Variants in PARD3B observed in about 807,000 individuals in gnomAD.
PARD3B encodes par-3 family cell polarity regulator beta.
Under a neutral mutation model 130.2 loss-of-function variants are expected in PARD3B, and 103 were observed. The observed-to-expected ratio is 0.79, with a 90% CI of 0.67 to 0.93. The LOEUF (loss-of-function observed/expected upper bound fraction) is 0.93. PARD3B is among the 40% of genes least tolerant of loss of function. The probability of loss-of-function intolerance (pLI) is 0.00; values close to 1 mark genes in which losing one functional copy is unlikely to be tolerated. For missense variants in PARD3B, 1,609 were observed against 1,499.2 expected (o/e 1.07, Z -1.21); for synonymous variants, 583 against 553.2 (o/e 1.05, Z -0.76).
chr2:204,911,085 TAAC>T (rs1344155250), intron 2 of PARD3B, among the ~76,000 whole-genome samples: 3 of 152,234 alleles, frequency 2.0e-5, no homozygotes, highest in African/African-American at 7.2e-5. Context: ...ATGTTTGTGT[TAAC>T]ACCCTTTTTT....
intron 2 of PARD3B, among the ~76,000 whole-genome samples, chr2:204,852,043 GA>G (rs1453694066): frequency 1.3e-5 from 2 of 152,124 alleles, no homozygotes; most frequent in African/African-American, 4.8e-5. Flanking sequence ...GTTTGGGTAT[GA>G]AATCACTACA....
chr2:205,309,893 CATCTATCTATCTATCT>C lies in PARD3B; in HGVS notation c.2630+8212_2630+8227del, dbSNP rs59814500. Among the ~76,000 whole-genome samples the C allele has an allele frequency of 0.57, 85,427 of 150,556 alleles. 27,254 individuals carry two copies. The highest frequency in any genetic ancestry group is 0.75 in the South Asian group (3,580 of 4,764). On this transcript the variant is annotated intron_variant, in intron 18 of 22. Transcript: ENST00000406610. This position sits in a 1 kb window ranked among gnomAD's most constrained non-coding sequence, Gnocchi z 4.7. ...AACTTGATAGACATTACTTCTTATC[CATCTATCTATCTATCT>C]ATCTATCTATCTATCTATCATCTAT...
intron 2 of PARD3B, among the ~76,000 whole-genome samples, chr2:204,751,368 C>A (rs1464757771): frequency 1.3e-5 from 2 of 152,158 alleles, no homozygotes; most frequent in Non-Finnish European, 2.9e-5. Context: ...TATAAAACTT[C>A]TAATGGAAGG....
At chr2:205,034,691 T>C (rs1399216510) in intron 3 of PARD3B, among the ~76,000 whole-genome samples, 1 of 152,204 alleles carries the variant, frequency 6.6e-6, no homozygotes, top group African/African-American at 2.4e-5. Flanking sequence ...TTAAAAATTA[T>C]ATAGAAATGA....
At chr2:204,758,721 T>G (rs553416435) in intron 2 of PARD3B, among the ~76,000 whole-genome samples, 1 of 152,296 alleles carries the variant, frequency 6.6e-6, no homozygotes, top group South Asian at 2.1e-4. Flanking sequence ...TATATTTTCT[T>G]TGCACCACTG....
chr2:205,364,695 A>G (rs1427407846), intron 18 of PARD3B, among the ~76,000 whole-genome samples: 1 of 152,252 alleles, frequency 6.6e-6, no homozygotes, highest in African/African-American at 2.4e-5. Context: ...AAGAGGGGCC[A>G]CAAATTCCCA....
At chr2:204,765,388 CAAG>C (rs1474030429) in intron 2 of PARD3B, among the ~76,000 whole-genome samples, 5 of 152,244 alleles carry the variant, frequency 3.3e-5, no homozygotes, top group East Asian at 1.9e-4. Context: ...CTTCTTGCTG[CAAG>C]AAGATCAGTG....
rs2105810043 is a variant in PARD3B, at chr2:205,274,355, C to G, written c.2186-26175C>G. ...CAAGAATAATCAGCTGATTTCATTCCTGATGTATAAAGGAAAATATTCCAT... is the reference window on the plus strand; with the variant it reads ...CAAGAATAATCAGCTGATTTCATTCGTGATGTATAAAGGAAAATATTCCAT... On this transcript the variant is annotated intron_variant, in intron 16 of 22. Transcript: ENST00000406610. This position sits in a 1 kb window ranked among gnomAD's most constrained non-coding sequence, Gnocchi z 4.2. Among the ~76,000 whole-genome samples the G allele has an allele frequency of 6.6e-6, 1 of 152,010 alleles. No individual in the cohort carries two copies. The highest frequency in any genetic ancestry group is 1.5e-5 in the Non-Finnish European group (1 of 67,938).
At chr2:204,808,778 T>G (rs2042863056) in intron 2 of PARD3B, among the ~76,000 whole-genome samples, 1 of 152,158 alleles carries the variant, frequency 6.6e-6, no homozygotes, top group African/African-American at 2.4e-5. Context: ...TTGTGAATAG[T>G]GTTGCAAAGA....
chr2:205,362,353 T>C (rs1296444034), intron 18 of PARD3B, among the ~76,000 whole-genome samples: 2 of 152,224 alleles, frequency 1.3e-5, no homozygotes, highest in East Asian at 1.9e-4. Context: ...TACTTTGACT[T>C]CATGTTCAAT....
intron 20 of PARD3B, among the ~76,000 whole-genome samples, chr2:205,497,337 C>T (rs1196836930): frequency 6.6e-6 from 1 of 151,794 alleles, no homozygotes; most frequent in East Asian, 1.9e-4. Context: ...CAGGGAGCAG[C>T]CACAAGACAG....
At chr2:204,644,350 G>A (rs1481269963) in intron 1 of PARD3B, among the ~76,000 whole-genome samples, 3 of 152,092 alleles carry the variant, frequency 2.0e-5, no homozygotes, top group Non-Finnish European at 4.4e-5. Context: ...ATTTTGTATG[G>A]GTGTGTGGGT....
rs559941906 is a variant in PARD3B, at chr2:205,348,809, G to A, written c.2630+47108G>A. On this transcript the variant is annotated intron_variant, in intron 18 of 22. Transcript: ENST00000406610. ...GTCATTTAAGTGATAAACTAAAGCA[G>A]TTAGATAAGGGAGATTTTTATTGTA... Among the ~76,000 whole-genome samples the A allele has an allele frequency of 2.6e-5, 4 of 152,244 alleles. No individual in the cohort carries two copies. In the South Asian group the frequency reaches 8.3e-4, roughly 32 times the overall value.
intron 21 of PARD3B, among the ~76,000 whole-genome samples, chr2:205,539,910 T>C (rs2052046530): frequency 1.3e-5 from 2 of 152,220 alleles, no homozygotes; most frequent in South Asian, 4.1e-4. Flanking sequence ...GGCTTTGATG[T>C]AGCCTTTCAC....
At chr2:204,619,548 C>G (rs540383015) in intron 1 of PARD3B, among the ~76,000 whole-genome samples, 8 of 152,194 alleles carry the variant, frequency 5.3e-5, no homozygotes, top group African/African-American at 1.9e-4. Flanking sequence ...CCAAGGTACT[C>G]TAAGTTGACT....
intron 20 of PARD3B, among the ~76,000 whole-genome samples, chr2:205,474,707 T>C (rs1385583199): frequency 1.3e-5 from 2 of 152,156 alleles, no homozygotes; most frequent in African/African-American, 2.4e-5. Flanking sequence ...TTGAAACATA[T>C]TGCCAACAAT....
At chr2:204,990,783 T>C (rs1324515145) in intron 3 of PARD3B, among the ~76,000 whole-genome samples, 2 of 152,180 alleles carry the variant, frequency 1.3e-5, no homozygotes, top group Non-Finnish European at 2.9e-5. Context: ...ATTTAAGAAA[T>C]CTTTCCCTAC....
intron 2 of PARD3B, among the ~76,000 whole-genome samples, chr2:204,930,297 A>G (rs565774825): frequency 8.2e-4 from 125 of 151,776 alleles, no homozygotes; most frequent in Admixed American, 1.4e-3. Context: ...TTCTGCAGAT[A>G]CCAAAATCTG....
chr2:204,570,948 A>G (rs1007949900), intron 1 of PARD3B, among the ~76,000 whole-genome samples: 1 of 151,016 alleles, frequency 6.6e-6, no homozygotes, highest in Non-Finnish European at 1.5e-5. Context: ...GAGGTGTATA[A>G]GCTGTTGTAA....
Sources: allele counts gnomAD v4.1 joint callset (sites outside exome capture counted in the v4.1 genomes callset), GRCh38; gene constraint gnomAD v4.1.1; non-coding constraint Gnocchi (gnomAD v3.1); transcripts MANE v1.5; gene names NCBI Gene and HGNC (gene_info 2026-07-23, HGNC 2026-07-21).